PKD2L2: variants seen among roughly 807,000 people sequenced by gnomAD.
PKD2L2 encodes polycystin-2-like protein 2.
In PKD2L2, 67 loss-of-function variants were observed where a neutral mutation model predicts 83.9. The observed-to-expected ratio is 0.80, with a 90% confidence interval of 0.66 to 0.98. PKD2L2 has a LOEUF of 0.98. PKD2L2 is among the 50% of genes least tolerant of loss of function. PKD2L2 has a pLI of 0.00. For missense variants in PKD2L2, 632 were observed against 717.2 expected (o/e 0.88, Z 1.36); for synonymous variants, 223 against 237.8 (o/e 0.94, Z 0.57).
At chr5:137,926,784 C>T (rs920066550) in intron 12 of PKD2L2, among the ~76,000 whole-genome samples, 30 of 152,088 alleles carry the variant, frequency 2.0e-4, no homozygotes, top group African/African-American at 3.9e-4. Context: ...CACTTAAATG[C>T]GTAATGTTTT....
rs756273257 is a variant in PKD2L2 at position 137,894,391 on chromosome 5, T to A, written c.306T>A (p.Asp102Glu). 7.4e-6 allele frequency: 12 copies of A among 1,610,802 alleles called. No individual in the cohort carries two copies. Among genetic ancestry groups the A allele is most frequent in the Non-Finnish European group, 8.5e-6 (10 of 1,179,076 alleles). Residue 102 changes from aspartate (D) to glutamate (E), a missense_variant, in exon 4 of 15, where the codon GAT becomes GAA. By Grantham distance (45) the Asp-to-Glu change is conservative. Coordinates refer to ENST00000508883, the MANE Select transcript of PKD2L2 (RefSeq NM_001300921.2). ...EGPLLEGLYW[D>E]SWYNNQQLYN... ...CCCTTTTGGAAGGTCTGTACTGGGA[T>A]TCATGGTACAATAACCAGCAGCTGT...
chr5:137,941,191 A>C (rs1761686277), intron 14 of PKD2L2, among the ~76,000 whole-genome samples: 1 of 152,154 alleles, frequency 6.6e-6, no homozygotes, highest in Non-Finnish European at 1.5e-5. Flanking sequence ...TACAGACGTG[A>C]GCCACTGCGC....
At chr5:137,924,096 A>G (rs1229507665) in intron 10 of PKD2L2, among the ~76,000 whole-genome samples, 5 of 152,146 alleles carry the variant, frequency 3.3e-5, no homozygotes, top group Non-Finnish European at 5.9e-5. Flanking sequence ...CCACCACTAG[A>G]TGAGGCTTTC....
chr5:137,916,332 T>C (rs1331063164), intron 8 of PKD2L2, among the ~76,000 whole-genome samples: 1 of 151,914 alleles, frequency 6.6e-6, no homozygotes, highest in Non-Finnish European at 1.5e-5. Flanking sequence ...TGCACCATCA[T>C]ACCCAGCTAA....
chr5:137,928,580 C>T (rs866465004), intron 12 of PKD2L2, among the ~76,000 whole-genome samples: 8 of 152,222 alleles, frequency 5.3e-5, no homozygotes, highest in Admixed American at 1.3e-4. Context: ...TACAGGCATG[C>T]GCCATCACAC....
chr5:137,898,031 G>C (rs1441226688), intron 4 of PKD2L2, among the ~76,000 whole-genome samples: 1 of 151,288 alleles, frequency 6.6e-6, no homozygotes, highest in Non-Finnish European at 1.5e-5. Context: ...CAGTGGCGCA[G>C]TCTTGGCTCA....
rs1756073000 is a variant in PKD2L2, at chr5:137,892,461, A to C, written c.134-19A>C. 2 of 1,363,672 alleles carry C rather than the reference A, an allele frequency of 1.5e-6. No individual in the cohort carries two copies. Among genetic ancestry groups the C allele is most frequent in the Non-Finnish European group, 9.8e-7 (1 of 1,021,130 alleles). The allele number at this position is 1,363,672 out of a possible 1,614,324, so 84.5% of individuals were successfully genotyped here. A position where few individuals can be genotyped will look rare whatever the true frequency, so the allele number is the denominator to read the frequency against. Reference sequence around the variant, plus strand: ...AGTTTTTAAATGTAAATTATTAAACAAAAAATTATTCTCCTTAGTGACTTT... The same window carrying C: ...AGTTTTTAAATGTAAATTATTAAACCAAAAATTATTCTCCTTAGTGACTTT... On this transcript the variant is annotated intron_variant, in intron 2 of 14. Coordinates refer to ENST00000508883, the MANE Select transcript of PKD2L2 (RefSeq NM_001300921.2).
intron 14 of PKD2L2, 194 bp from the exon 15 acceptor site, chr5:137,942,190 C>T: frequency 1.5e-6 from 1 of 648,420 alleles, no homozygotes; most frequent in East Asian, 2.7e-5. Flanking sequence ...CCAATGAAAT[C>T]AGAATAGCTG....
chr5:137,940,879 A>G (rs533499089), intron 14 of PKD2L2, among the ~76,000 whole-genome samples: 1 of 152,312 alleles, frequency 6.6e-6, no homozygotes, highest in South Asian at 2.1e-4. Flanking sequence ...AACAGTAGAC[A>G]CTTGGAAAAA....
At chr5:137,907,658 CT>C (rs551963292) in intron 6 of PKD2L2, 83 bp from the exon 7 acceptor site, 404 of 773,062 alleles carry the variant, frequency 5.2e-4, no homozygotes, top group Non-Finnish European at 7.2e-4. Flanking sequence ...TTTTGATGAA[CT>C]TTTTTTGTGT....
At chr5:137,942,066 T>C in intron 14 of PKD2L2, 1 of 1,566,534 alleles carries the variant, frequency 6.4e-7, no homozygotes, top group Non-Finnish European at 8.8e-7. Context: ...AATGGTAAAA[T>C]ACTGAAGGGC....
chr5:137,930,587 C>G (rs6889981), intron 12 of PKD2L2, among the ~76,000 whole-genome samples: 1 of 150,834 alleles, frequency 6.6e-6, no homozygotes, highest in Non-Finnish European at 1.5e-5. Context: ...AGGTGAACAC[C>G]GGGAGGTGGA....
intron 8 of PKD2L2, among the ~76,000 whole-genome samples, chr5:137,910,361 A>G (rs1757727685): frequency 6.6e-6 from 1 of 151,918 alleles, no homozygotes; most frequent in South Asian, 2.1e-4. Context: ...TGAAGAGGAA[A>G]GGGAAGTATA....
chr5:137,925,783 C>G, intron 11 of PKD2L2, 92 bp from the exon 12 acceptor site: 1 of 649,228 alleles, frequency 1.5e-6, no homozygotes, highest in Non-Finnish European at 2.7e-6. Context: ...AAATATTATT[C>G]AGATCCTTAC....
intron 14 of PKD2L2, chr5:137,940,437 T>A: frequency 2.6e-6 from 2 of 756,302 alleles, no homozygotes; most frequent in Non-Finnish European, 4.2e-6. Flanking sequence ...ATACTGTTAC[T>A]AAACATAAGT....
chr5:137,907,708 T>G (rs1282063117), intron 6 of PKD2L2, 34 bp from the exon 7 acceptor site: 1 of 1,278,150 alleles, frequency 7.8e-7, no homozygotes, highest in South Asian at 2.1e-5. Context: ...GTAGAGATAT[T>G]CTCTAATTTA....
Position 137,936,323 on chromosome 5 carries a change from T to A in PKD2L2, c.1788T>A (p.Leu596=). The change falls in exon 14 of 15, where the codon CTT becomes CTA. Residue 596 remains leucine (L), a synonymous_variant. Coordinates refer to ENST00000508883, the MANE Select transcript of PKD2L2 (RefSeq NM_001300921.2). ...QPVTQEEFRE[L]FLYAVELEKE... is the part of the protein sequence containing the mutation. The stretch of plus-strand genomic sequence containing the variant: ...TACTTCCTTCGAAATTTTCTAGACT[T>A]TTTTTATATGCTGTGGAGCTGGAGA... The A allele has an allele frequency of 6.5e-7, 1 of 1,530,784 alleles. No homozygotes were observed. The highest frequency in any genetic ancestry group is 8.8e-7 in the Non-Finnish European group (1 of 1,141,936). The allele number at this position is 1,530,784 out of a possible 1,614,324, so 94.8% of individuals were successfully genotyped here.
At chr5:137,942,013 C>T (rs752583123) in intron 14 of PKD2L2, 96 of 1,613,866 alleles carry the variant, frequency 5.9e-5, no homozygotes, top group Non-Finnish European at 7.7e-5. Context: ...TTTTTCAGCT[C>T]TGGCTTTCCA....
intron 1 of PKD2L2, 188 bp from the exon 2 acceptor site, chr5:137,890,293 C>T: frequency 2.2e-6 from 1 of 455,136 alleles, no homozygotes; most frequent in Non-Finnish European, 3.9e-6. Context: ...AAAAAAAAAT[C>T]TGTTATTAAT....
Sources: allele counts gnomAD v4.1 joint callset (sites outside exome capture counted in the v4.1 genomes callset), GRCh38; gene constraint gnomAD v4.1.1; transcripts MANE v1.5; gene names NCBI Gene and HGNC (gene_info 2026-07-23, HGNC 2026-07-21).